The following CYFIP2 variants were observed in gnomAD, a reference collection of about 807,000 sequenced individuals.
CYFIP2 encodes cytoplasmic FMR1-interacting protein 2.
A neutral mutation model predicts 158.7 loss-of-function variants in CYFIP2; 29 were observed. That is an observed-to-expected ratio of 0.18 (90% confidence interval 0.14 to 0.25). CYFIP2 has a LOEUF of 0.25. CYFIP2 is among the 10% of genes least tolerant of loss of function. The probability of loss-of-function intolerance (pLI) is 1.00; values close to 1 mark genes in which losing one functional copy is unlikely to be tolerated. For synonymous variants in CYFIP2, 585 were observed against 617.6 expected, an observed-to-expected ratio of 0.95 and a Z score of 0.78; for missense variants, 852 against 1,639.5, an observed-to-expected ratio of 0.52 and a Z score of 8.29.
At chr5:157,333,530 C>A in intron 21 of CYFIP2, 84 bp downstream of exon 21, 1 of 1,581,924 alleles carries the variant, frequency 6.3e-7, no homozygotes, top group Non-Finnish European at 8.6e-7. Context: ...TAGTCTAGTG[C>A]TGGGCCAGTT....
intron 28 of CYFIP2, among the ~76,000 whole-genome samples, chr5:157,386,565 C>T (rs185642453): frequency 3.3e-5 from 5 of 152,232 alleles, no homozygotes; most frequent in Admixed American, 3.3e-4. Flanking sequence ...CTCATTGACC[C>T]TTCAGTTACT....
intron 26 of CYFIP2, among the ~76,000 whole-genome samples, chr5:157,379,846 G>A (rs1765877003): frequency 6.6e-6 from 1 of 152,058 alleles, no homozygotes; most frequent in African/African-American, 2.4e-5. Flanking sequence ...CAGGGGAATT[G>A]CAAGGGACAA....
chr5:157,357,933 G>A (rs1289328649), intron 23 of CYFIP2, among the ~76,000 whole-genome samples: 1 of 152,158 alleles, frequency 6.6e-6, no homozygotes, highest in South Asian at 2.1e-4. Context: ...ACCATGATAG[G>A]TGGAGCATGG....
At chr5:157,385,820 T>C (rs549124140) in intron 28 of CYFIP2, among the ~76,000 whole-genome samples, 1 of 152,244 alleles carries the variant, frequency 6.6e-6, no homozygotes, top group East Asian at 1.9e-4. Flanking sequence ...AGAAGGAATA[T>C]TGATGATTCC....
Position 157,287,101 on chromosome 5 carries a change from C to A in CYFIP2, c.200C>A (p.Ser67Tyr). 1 of 1,613,026 alleles carries A rather than the reference C, an allele frequency of 6.2e-7. No homozygotes were observed. The highest frequency in any genetic ancestry group is 1.1e-5 in the South Asian group (1 of 91,036). ...TACATTGAGCAGGCTACAGTCCACT[C>A]CAGCATGGTAAGTCTCTGTGACCCA... ...ARYIEQATVH[S>Y]SMNEMLEEGH... The change falls in exon 3 of 31, where the codon TCC becomes TAC. Residue 67 changes from serine to tyrosine, a missense_variant. Ser to Tyr is a moderately radical substitution (Grantham distance 144, BLOSUM62 -2). This residue lies in a region of CYFIP2 where 123 missense variants were observed against 316.7 expected (regional missense o/e 0.39). Transcript: ENST00000620254.
chr5:157,308,402 G>A (rs1759428634), intron 9 of CYFIP2, among the ~76,000 whole-genome samples: 1 of 152,174 alleles, frequency 6.6e-6, no homozygotes, highest in Non-Finnish European at 1.5e-5. Flanking sequence ...TACTCACTGT[G>A]TTTCAGTGCC....
rs749628390 is a variant in CYFIP2, at chr5:157,326,200, A to G, written c.2012A>G (p.Asn671Ser). ...EYVLYPLDLYNDSAYYALTKF... is the reference protein window; with the variant it reads ...EYVLYPLDLYSDSAYYALTKF... ...GTCCTCTACCCTCTGGATCTGTACAACGACAGCGCCTACTATGCTCTGACC... is the reference window on the plus strand; with the variant it reads ...GTCCTCTACCCTCTGGATCTGTACAGCGACAGCGCCTACTATGCTCTGACC... Residue 671 changes from asparagine (N) to serine (S), a missense_variant, in exon 18 of 31, where the codon AAC (asparagine) becomes AGC (serine). Physicochemically the swap from Asn to Ser is conservative, Grantham distance 46 (BLOSUM62 1). Around this residue, in one of 8 missense-constraint regions of CYFIP2, gnomAD observed 167 missense variants for 343.3 expected, o/e 0.49. Transcript: ENST00000620254. The G allele has an allele frequency of 6.2e-7, 1 of 1,613,970 alleles. No homozygotes were observed. The highest frequency in any genetic ancestry group is 1.1e-5 in the South Asian group (1 of 91,078).
At chr5:157,321,739 G>A (rs1304602717) in intron 15 of CYFIP2, among the ~76,000 whole-genome samples, 3 of 152,020 alleles carry the variant, frequency 2.0e-5, no homozygotes, top group South Asian at 2.1e-4. Context: ...TGTCTGTGCT[G>A]GGGGCTGGGG....
chr5:157,337,135 TTTTA>T (rs1240690473), intron 21 of CYFIP2, among the ~76,000 whole-genome samples: 1 of 152,190 alleles, frequency 6.6e-6, no homozygotes, highest in Non-Finnish European at 1.5e-5. Context: ...TCCATGTATT[TTTTA>T]TTTATTTAGT....
intron 26 of CYFIP2, among the ~76,000 whole-genome samples, chr5:157,373,997 T>G (rs1321650205): frequency 6.6e-6 from 1 of 152,234 alleles, no homozygotes; most frequent in African/African-American, 2.4e-5. Context: ...TTGAATTAAG[T>G]ATTTGGTGCA....
chr5:157,311,813 G>GA lies in CYFIP2; in HGVS notation c.1110+32_1110+33insA. 6.4e-7 allele frequency: 1 copy of GA among 1,555,984 alleles called. No homozygotes were observed. Among genetic ancestry groups the GA allele is most frequent in the Non-Finnish European group, 8.7e-7 (1 of 1,146,206 alleles). ...ATGCAGGCTGCTGGGGCACAGGCCCGTGGGCCCAGGGCCAGAAGGGGTAAG... is the reference window on the plus strand; with the variant it reads ...ATGCAGGCTGCTGGGGCACAGGCCCGATGGGCCCAGGGCCAGAAGGGGTAAG... On this transcript the variant is annotated intron_variant, in intron 11 of 30. Transcript: ENST00000620254. This position sits in a 1 kb window ranked among gnomAD's most constrained non-coding sequence, Gnocchi z 4.7.
intron 1 of CYFIP2, among the ~76,000 whole-genome samples, chr5:157,273,388 C>A (rs1182191607): frequency 6.6e-6 from 1 of 152,148 alleles, no homozygotes; most frequent in East Asian, 1.9e-4. Flanking sequence ...CCCCACCCAC[C>A]TCACAGGCAG....
At position 157,389,351 on chromosome 5, in the gene CYFIP2, G is replaced by A; in HGVS notation, c.3370G>A (p.Val1124Met). The change falls in exon 29 of 31, where the codon GTG becomes ATG. Residue 1124 changes from valine (V) to methionine (M), a missense_variant. By Grantham distance (21) the Val-to-Met change is conservative. This residue lies in a region of CYFIP2 where 223 missense variants were observed against 381.6 expected (regional missense o/e 0.58). Transcript: ENST00000620254. Reference protein sequence around the residue: ...TNGVMHVDECVEFHRLWSAMQ... With the variant: ...TNGVMHVDECMEFHRLWSAMQ... Reference sequence around the variant, plus strand: ...TGGCGTCATGCACGTCGATGAGTGTGTGGAGTTCCACCGGCTGTGGAGCGC... The same window carrying A: ...TGGCGTCATGCACGTCGATGAGTGTATGGAGTTCCACCGGCTGTGGAGCGC... 1 of 1,613,882 alleles carries A rather than the reference G, an allele frequency of 6.2e-7. No homozygotes were observed. Among genetic ancestry groups the A allele is most frequent in the East Asian group, 2.2e-5 (1 of 44,880 alleles).
chr5:157,330,912 G>A, intron 20 of CYFIP2, 62 bp downstream of exon 20: 4 of 1,324,930 alleles, frequency 3.0e-6, no homozygotes, highest in Non-Finnish European at 4.3e-6. Flanking sequence ...TGCGAAGTTA[G>A]CATAGAGATC....
chr5:157,344,486 C>T (rs1264968300), intron 23 of CYFIP2, among the ~76,000 whole-genome samples: 1 of 152,174 alleles, frequency 6.6e-6, no homozygotes, highest in South Asian at 2.1e-4. Flanking sequence ...CAGACGTTAT[C>T]GCAAAATGAG....
intron 23 of CYFIP2, among the ~76,000 whole-genome samples, chr5:157,358,212 G>C (rs1237987670): frequency 6.6e-6 from 1 of 152,136 alleles, no homozygotes; most frequent in Non-Finnish European, 1.5e-5. Context: ...CCTATAGCAT[G>C]GTTGTATATA....
intron 23 of CYFIP2, among the ~76,000 whole-genome samples, chr5:157,353,315 A>T (rs1763196207): frequency 6.6e-6 from 1 of 152,170 alleles, no homozygotes; most frequent in Non-Finnish European, 1.5e-5. Context: ...GACAGTGTTG[A>T]TGTGATCTCT....
At chr5:157,308,733 G>T (rs1176866938) in intron 9 of CYFIP2, among the ~76,000 whole-genome samples, 1 of 152,114 alleles carries the variant, frequency 6.6e-6, no homozygotes, top group Non-Finnish European at 1.5e-5. Context: ...GTTTTCAAGG[G>T]TGGAACTTTT....
chr5:157,308,291 T>G (rs1759416457), intron 9 of CYFIP2, among the ~76,000 whole-genome samples: 1 of 152,240 alleles, frequency 6.6e-6, no homozygotes, highest in East Asian at 1.9e-4. Context: ...GATTTTAAAT[T>G]GGTTCACATT....
Sources: gnomAD v4.1 joint callset for allele counts (sites outside exome capture counted in the v4.1 genomes callset) on GRCh38, gnomAD v4.1.1 for gene constraint, gnomAD v4.1.1 regional missense constraint, Gnocchi (gnomAD v3.1) non-coding constraint, MANE v1.5 for transcripts, NCBI Gene and HGNC (gene_info 2026-07-23, HGNC 2026-07-21) for gene names.